The following GSR variants were observed in gnomAD, a reference collection of about 807,000 sequenced individuals.
The protein encoded by GSR is glutathione reductase, mitochondrial.
A neutral mutation model predicts 56.5 loss-of-function variants in GSR; 48 were observed. That is an observed-to-expected ratio of 0.85 (90% CI 0.67 to 1.08). The LOEUF is 1.08. Among genes scored for constraint, GSR ranks in the 50% least tolerant of loss-of-function variants. GSR has a pLI of 0.00. For synonymous variants in GSR, 264 were observed against 270.8 expected (o/e 0.97, Z 0.25); for missense variants, 694 against 703.3 (o/e 0.99, Z 0.15).
chr8:30,689,982 G>GTA lies in GSR; in HGVS notation c.883-665_883-664dup, dbSNP rs377006110. Among the ~76,000 whole-genome samples, 896 of 124,626 alleles carry GTA rather than the reference G, an allele frequency of 7.2e-3. 6 individuals are homozygous for GTA. The highest frequency in any genetic ancestry group is 0.024 in the African/African-American group (844 of 35,636). The allele number at this position is 124,626 out of a possible 152,430, so 81.8% of individuals were successfully genotyped here. ...ATTTTTATTTATTATATATATAAAT[G>GTA]TATATATATGTATATTTATATACAT... On this transcript the variant is annotated intron_variant, in intron 8 of 12. Coordinates refer to ENST00000221130, the MANE Select transcript of GSR (RefSeq NM_000637.5).
Position 30,678,388 on chromosome 8 carries a change from C to T in GSR, c.*1132G>A, listed in dbSNP as rs1802820180. 1 of 137,726 alleles carries T rather than the reference C, an allele frequency of 7.3e-6. No individual in the cohort carries two copies. Among genetic ancestry groups the T allele is most frequent in the African/African-American group, 2.7e-5 (1 of 37,128 alleles). The allele number at this position is 137,726 out of a possible 1,614,324, so 8.5% of individuals were successfully genotyped here. On this transcript the variant is annotated 3_prime_UTR_variant, in exon 13 of 13. Coordinates refer to ENST00000221130, the MANE Select transcript of GSR (RefSeq NM_000637.5). ...TTTTTTTTTTTTTTTGAGACAGGGT[C>T]TTGCTCTGTTGTCCAAGATTGAGTG...
At position 30,708,257 on chromosome 8, in the gene GSR, G is replaced by A. The variant is rs561590687; in HGVS notation, c.423-116C>T. 15 of 784,982 alleles carry A rather than the reference G, an allele frequency of 1.9e-5. 1 individual carries two copies. The highest frequency in any genetic ancestry group is 4.1e-5 in the South Asian group (3 of 73,532). 48.6% of individuals were successfully genotyped at this position (784,982 alleles called of 1,614,324 possible). A position where few individuals can be genotyped will look rare whatever the true frequency, so the allele number is the denominator to read the frequency against. On this transcript the variant is annotated intron_variant, in intron 3 of 12. Transcript: ENST00000221130. ...GAATCACTGACTGTCAACAGCAACCGCAGTGAGTGAATGTCTCCGAAGACA... is the reference window on the plus strand; with the variant it reads ...GAATCACTGACTGTCAACAGCAACCACAGTGAGTGAATGTCTCCGAAGACA...
At chr8:30,716,381 G>C (rs980161784) in intron 1 of GSR, among the ~76,000 whole-genome samples, 1 of 152,228 alleles carries the variant, frequency 6.6e-6, no homozygotes, top group East Asian at 1.9e-4. Context: ...GGAAGCCTAT[G>C]ACCCTGAAAT....
At position 30,709,796 on chromosome 8, in the gene GSR, C is replaced by CT; in HGVS notation, c.422+17dup. The CT allele has an allele frequency of 1.5e-6, 2 of 1,371,490 alleles. No homozygotes were observed. The highest frequency in any genetic ancestry group is 2.8e-5 in the African/African-American group (2 of 70,190). The allele number at this position is 1,371,490 out of a possible 1,614,324, so 85.0% of individuals were successfully genotyped here. A position where few individuals can be genotyped will look rare whatever the true frequency, so the allele number is the denominator to read the frequency against. ...TATCTACACTTGGAAACTGAACCCT[C>CT]TGAGTGTTGACACTTACCGCCAATT... On this transcript the variant is annotated intron_variant, in intron 3 of 12. Transcript: ENST00000221130.
intron 1 of GSR, among the ~76,000 whole-genome samples, chr8:30,724,577 C>T (rs1316709533): frequency 7.9e-5 from 8 of 100,918 alleles, no homozygotes; most frequent in African/African-American, 1.5e-4. Context: ...GAGACAGAGT[C>T]TCACTCTGTT....
chr8:30,700,723 CAAAAAA>C (rs55702917), intron 5 of GSR, among the ~76,000 whole-genome samples: 11,076 of 80,070 alleles, frequency 0.14, 1,757 homozygotes, highest in African/African-American at 0.39. Flanking sequence ...ATTTTGTCTC[CAAAAAA>C]AAAAAAAAAA....
intron 2 of GSR, among the ~76,000 whole-genome samples, chr8:30,710,752 AAAAAAAAG>A (rs1804110866): frequency 7.8e-6 from 1 of 127,706 alleles, no homozygotes; most frequent in African/African-American, 3.7e-5. Flanking sequence ...AAAAGAAAAG[AAAAAAAAG>A]AAAAAAAAAT....
chr8:30,714,202 C>CTT (rs33969608), intron 1 of GSR, among the ~76,000 whole-genome samples: 27 of 63,960 alleles, frequency 4.2e-4, no homozygotes, highest in Admixed American at 1.4e-3. Flanking sequence ...GTTCTATATG[C>CTT]TTTTTTTTTT....
At chr8:30,725,180 T>C (rs1031125127) in intron 1 of GSR, among the ~76,000 whole-genome samples, 66 of 152,122 alleles carry the variant, frequency 4.3e-4, no homozygotes, top group Non-Finnish European at 5.9e-5. Context: ...TGGTGGCTGA[T>C]GCCTGTAATC....
At chr8:30,719,951 C>A (rs1202674865) in intron 1 of GSR, among the ~76,000 whole-genome samples, 1 of 152,112 alleles carries the variant, frequency 6.6e-6, no homozygotes, top group Admixed American at 6.6e-5. Flanking sequence ...GTGGCTCACG[C>A]TGTAATCCCA....
intron 3 of GSR, 115 bp downstream of exon 3, chr8:30,709,699 C>T (rs1027220798): frequency 2.6e-5 from 19 of 718,514 alleles, no homozygotes; most frequent in Non-Finnish European, 4.6e-5. Context: ...CTGTAAATCT[C>T]GTATTGTGAA....
chr8:30,694,337 G>A (rs2128741936), intron 7 of GSR, among the ~76,000 whole-genome samples: 1 of 152,170 alleles, frequency 6.6e-6, no homozygotes, highest in East Asian at 1.9e-4. Flanking sequence ...AGTTTGTTAG[G>A]GACAGTCAGC....
At chr8:30,715,304 A>G (rs972489273) in intron 1 of GSR, among the ~76,000 whole-genome samples, 2 of 151,842 alleles carry the variant, frequency 1.3e-5, no homozygotes, top group African/African-American at 4.8e-5. Context: ...AAAAATAAAT[A>G]ATAATAATAA....
In GSR at chr8:30,687,957, T is replaced by C. The variant is rs751475011; in HGVS notation, c.1041+1204A>G. Among the ~76,000 whole-genome samples, 9 of 152,192 alleles carry C rather than the reference T, an allele frequency of 5.9e-5. No homozygotes were observed. In the East Asian group the frequency reaches 1.3e-3, roughly 23 times the overall value. ...AAATTAAGCTGCTTGCTCAAAGCCA[T>C]GCAACTGTTATGTTGTAAGAACTAA... On this transcript the variant is annotated intron_variant, in intron 9 of 12. Coordinates refer to ENST00000221130, the MANE Select transcript of GSR (RefSeq NM_000637.5).
At chr8:30,690,158 ATATT>A (rs372406720) in intron 8 of GSR, among the ~76,000 whole-genome samples, 23 of 138,752 alleles carry the variant, frequency 1.7e-4, no homozygotes, top group East Asian at 6.2e-4. Flanking sequence ...ATAAAATAAT[ATATT>A]TATTTATTTA....
intron 2 of GSR, among the ~76,000 whole-genome samples, chr8:30,711,821 G>C (rs1351709878): frequency 6.6e-6 from 1 of 151,596 alleles, no homozygotes; most frequent in Non-Finnish European, 1.5e-5. Context: ...TGACAAGAAC[G>C]AAACTCCGTC....
intron 8 of GSR, among the ~76,000 whole-genome samples, chr8:30,689,577 C>T (rs924443206): frequency 6.6e-6 from 1 of 151,902 alleles, no homozygotes; most frequent in Non-Finnish European, 1.5e-5. Flanking sequence ...ATTGTAATGC[C>T]TCACTTTAAA....
In GSR at chr8:30,692,949, G is replaced by A. The variant is rs771420993; in HGVS notation, c.882+20C>T. ...GTGATTGACTGGGGGCCGCGTGCAT[G>A]CCTGGGCTTGGCACTGTACCTGGGA... On this transcript the variant is annotated intron_variant, in intron 8 of 12. Transcript: ENST00000221130. The A allele has an allele frequency of 2.0e-6, 3 of 1,532,818 alleles. No individual in the cohort carries two copies. In the South Asian group the frequency reaches 3.3e-5, roughly 17 times the overall value. The allele number at this position is 1,532,818 out of a possible 1,614,324, so 95.0% of individuals were successfully genotyped here.
In GSR at chr8:30,679,504, A is replaced by T. The variant is rs1269909029; in HGVS notation, c.*16T>A. The T allele has an allele frequency of 6.2e-7, 1 of 1,613,068 alleles. No homozygotes were observed. Among genetic ancestry groups the T allele is most frequent in the Non-Finnish European group, 8.5e-7 (1 of 1,179,060 alleles). On this transcript the variant is annotated 3_prime_UTR_variant, in exon 13 of 13. Transcript: ENST00000221130. ...ATCTATGGGTCCCACTGCCCGCCAC[A>T]CGTGTCTCCTGGTTCTCAACGAAGT...
Sources: gnomAD v4.1 joint callset for allele counts (sites outside exome capture counted in the v4.1 genomes callset) on GRCh38, gnomAD v4.1.1 for gene constraint, MANE v1.5 for transcripts, NCBI Gene and HGNC (gene_info 2026-07-23, HGNC 2026-07-21) for gene names.